The following FMR1NB variants were observed in gnomAD, a reference collection of about 807,000 sequenced individuals.
FMR1NB encodes the protein FMR1 neighbor.
Under a neutral mutation model 16.8 loss-of-function variants are expected in FMR1NB, and 10 were observed. The observed-to-expected ratio is 0.60, with a 90% CI of 0.37 to 1.01. The LOEUF (loss-of-function observed/expected upper bound fraction) is 1.01. Ranked by LOEUF, FMR1NB falls within the 50% of genes least tolerant of loss-of-function variation. FMR1NB has a pLI of 0.01. For missense variants in FMR1NB, 205 were observed against 204.8 expected (o/e 1.00, Z 0.00); for synonymous variants, 83 against 79.1 (o/e 1.05, Z -0.26).
At chrX:148,019,383 T>C (rs12010481) in intron 4 of FMR1NB, among the ~76,000 whole-genome samples, 20,581 of 111,965 alleles carry the variant, frequency 0.18, 2,344 homozygotes, top group African/African-American at 0.42. Flanking sequence ...TAATATGTCT[T>C]TGTTTCTCCA....
intron 4 of FMR1NB, among the ~76,000 whole-genome samples, chrX:148,021,351 G>A (rs1270727378): frequency 9.2e-6 from 1 of 109,107 alleles, no homozygotes; most frequent in Non-Finnish European, 1.9e-5. Context: ...GAAGTTAAAA[G>A]CAAGTACTCT....
At chrX:148,006,923 T>C in intron 3 of FMR1NB, 81 bp downstream of exon 3, 1 of 1,031,930 alleles carries the variant, frequency 9.7e-7, no homozygotes, top group African/African-American at 1.9e-5. Context: ...ATATTTGGAT[T>C]TCCTAGCTTA....
At chrX:147,998,181 A>G (rs1443752935) in intron 1 of FMR1NB, among the ~76,000 whole-genome samples, 9 of 112,627 alleles carry the variant, frequency 8.0e-5, no homozygotes, top group Non-Finnish European at 1.7e-4. Flanking sequence ...ACTATTTACA[A>G]TAGCAAAGAC....
intron 4 of FMR1NB, among the ~76,000 whole-genome samples, chrX:148,016,365 G>T (rs1233328243): frequency 2.7e-5 from 3 of 111,343 alleles, no homozygotes; most frequent in African/African-American, 9.8e-5. Context: ...TGTGTTTCTT[G>T]TAGGCAACTG....
At chrX:147,985,704 T>C (rs1336977382) in intron 1 of FMR1NB, among the ~76,000 whole-genome samples, 3 of 112,328 alleles carry the variant, frequency 2.7e-5, no homozygotes, top group African/African-American at 9.7e-5. Context: ...ACATTTTATT[T>C]ATCCAGTCTA....
At chrX:148,023,234 A>T (rs1168036013) in intron 4 of FMR1NB, among the ~76,000 whole-genome samples, 2 of 111,008 alleles carry the variant, frequency 1.8e-5, no homozygotes, top group Non-Finnish European at 3.8e-5. Context: ...TTCAGTTATT[A>T]TTTTTTTTAG....
At chrX:147,997,668 G>T (rs556926080) in intron 1 of FMR1NB, among the ~76,000 whole-genome samples, 1 of 111,713 alleles carries the variant, frequency 9.0e-6, no homozygotes, top group East Asian at 2.8e-4. Flanking sequence ...GGAGTGAACT[G>T]GCAACCTATA....
chrX:147,991,179 T>G (rs2044502533), intron 1 of FMR1NB, among the ~76,000 whole-genome samples: 1 of 110,902 alleles, frequency 9.0e-6, no homozygotes, highest in African/African-American at 3.3e-5. Flanking sequence ...AGGCCTTTAA[T>G]TCCTCAACTC....
At chrX:147,981,866 C>T (rs1177717102) in intron 1 of FMR1NB, among the ~76,000 whole-genome samples, 187 bp downstream of exon 1, 2 of 111,785 alleles carry the variant, frequency 1.8e-5, no homozygotes, top group Admixed American at 9.4e-5. Context: ...CCTCTCTCGC[C>T]TGGCCGCAGG....
intron 4 of FMR1NB, among the ~76,000 whole-genome samples, chrX:148,023,638 G>A (rs976544324): frequency 9.0e-6 from 1 of 111,297 alleles, no homozygotes; most frequent in Non-Finnish European, 1.9e-5. Context: ...AATATTGTGT[G>A]CAAATCTTTC....
chrX:147,983,367 T>A (rs1557186826), intron 1 of FMR1NB, among the ~76,000 whole-genome samples: 1 of 112,212 alleles, frequency 8.9e-6, no homozygotes, highest in African/African-American at 3.2e-5. Context: ...CTAACAATGT[T>A]TGAAGGTTTC....
At chrX:148,018,314 G>T (rs1417868168) in intron 4 of FMR1NB, among the ~76,000 whole-genome samples, 1 of 111,320 alleles carries the variant, frequency 9.0e-6, no homozygotes. Context: ...TTTTTCATGT[G>T]TTTTTTTGGC....
At chrX:147,999,064 A>G (rs782231299) in intron 1 of FMR1NB, among the ~76,000 whole-genome samples, 1 of 111,799 alleles carries the variant, frequency 8.9e-6, no homozygotes, top group East Asian at 2.8e-4. Context: ...GGTTCTCTGA[A>G]AGATAAAAAC....
intron 4 of FMR1NB, among the ~76,000 whole-genome samples, chrX:148,009,858 C>T (rs1362791059): frequency 2.7e-5 from 3 of 112,012 alleles, no homozygotes; most frequent in African/African-American, 6.5e-5. Flanking sequence ...TGAAGATCAT[C>T]GAAGTGATTG....
intron 1 of FMR1NB, among the ~76,000 whole-genome samples, chrX:147,995,296 T>C (rs1439614635): frequency 8.9e-6 from 1 of 112,312 alleles, no homozygotes; most frequent in African/African-American, 3.2e-5. Flanking sequence ...TCCATGGTCC[T>C]GTAGAATTAT....
At chrX:147,985,601 G>C (rs1557187001) in intron 1 of FMR1NB, among the ~76,000 whole-genome samples, 1 of 111,508 alleles carries the variant, frequency 9.0e-6, no homozygotes, top group Non-Finnish European at 1.9e-5. Flanking sequence ...AGTTTGCTGA[G>C]GATGATGGTT....
chrX:148,001,356 T>C (rs1180295465), intron 1 of FMR1NB, among the ~76,000 whole-genome samples: 1 of 112,092 alleles, frequency 8.9e-6, no homozygotes, highest in African/African-American at 3.2e-5. Flanking sequence ...TAAGTGAACA[T>C]AATTACCATA....
chrX:147,994,842 T>A (rs782710321), intron 1 of FMR1NB, among the ~76,000 whole-genome samples: 151 of 112,543 alleles, frequency 1.3e-3, no homozygotes, highest in Non-Finnish European at 2.4e-3. Context: ...TTAATTTGCA[T>A]TTAAAATTAT....
At chrX:148,008,853 C>G in intron 4 of FMR1NB, 142 bp downstream of exon 4, 1 of 532,614 alleles carries the variant, frequency 1.9e-6, no homozygotes, top group Admixed American at 3.8e-5. Flanking sequence ...TGGGAAAGAC[C>G]TAAAACTAGA....
Sources: allele counts gnomAD v4.1 joint callset (sites outside exome capture counted in the v4.1 genomes callset), GRCh38; gene constraint gnomAD v4.1.1; transcripts MANE v1.5; gene names NCBI Gene and HGNC (gene_info 2026-07-23, HGNC 2026-07-21).